SRSF3: variants seen among roughly 807,000 people sequenced by gnomAD.
SRSF3 encodes the protein serine and arginine rich splicing factor 3, also known as serine/arginine-rich splicing factor 3.
For synonymous variants in SRSF3, 87 were observed against 73.6 expected, an observed-to-expected ratio of 1.18 and a Z score of -0.93; for missense variants, 58 against 217.1, an observed-to-expected ratio of 0.27 and a Z score of 4.61.
chr6:36,598,814 A>G, intron 2 of SRSF3, 35 bp from the exon 3 acceptor site: 1 of 1,604,444 alleles, frequency 6.2e-7, no homozygotes, highest in East Asian at 2.2e-5. Flanking sequence ...TCAGAAAGTC[A>G]GGCTGTTTTA....
At chr6:36,596,736 A>T in intron 1 of SRSF3, 25 bp from the exon 2 acceptor site, 1 of 1,600,622 alleles carries the variant, frequency 6.2e-7, no homozygotes, top group African/African-American at 1.3e-5. Context: ...AGATGAATGA[A>T]TATTTTTGGT....
rs1433677654 is a variant in SRSF3, at chr6:36,603,934, C to T, written c.*1945C>T. ...TATAATATGGCTAAGAGAAATAATA[C>T]AGAACCTGAAATAAAAGTAACTTCA... On this transcript the variant is annotated 3_prime_UTR_variant, in exon 6 of 6. Coordinates refer to ENST00000373715, the MANE Select transcript of SRSF3 (RefSeq NM_003017.5). 8.8e-6 allele frequency: 2 copies of T among 227,776 alleles called. No individual in the cohort carries two copies. The highest frequency in any genetic ancestry group is 5.7e-5 in the Admixed American group (1 of 17,488). The allele number at this position is 227,776 out of a possible 1,614,324, so 14.1% of individuals were successfully genotyped here.
At chr6:36,596,571 T>TGGGGGGGGGGGGGG (rs1562011746) in intron 1 of SRSF3, among the ~76,000 whole-genome samples, 190 bp from the exon 2 acceptor site, 1 of 13,778 alleles carries the variant, frequency 7.3e-5, no homozygotes, top group African/African-American at 2.3e-4. Context: ...TGGGGCGGGG[T>TGGGGGGGGGGGGGG]GGCGGGGGGG....
At chr6:36,599,233 C>T (rs995895408) in intron 3 of SRSF3, among the ~76,000 whole-genome samples, 3 of 152,192 alleles carry the variant, frequency 2.0e-5, no homozygotes, top group African/African-American at 4.8e-5. Flanking sequence ...TTTCTAGTTG[C>T]ATCTTTCCAA....
intron 1 of SRSF3, among the ~76,000 whole-genome samples, chr6:36,595,845 C>T (rs1778618272): frequency 1.3e-5 from 2 of 152,164 alleles, no homozygotes; most frequent in African/African-American, 4.8e-5. Context: ...GCGTAAGACT[C>T]TGGTCTATCT....
At chr6:36,599,005 A>AAG in intron 3 of SRSF3, 22 bp downstream of exon 3, 11 of 1,613,598 alleles carry the variant, frequency 6.8e-6, no homozygotes, top group Non-Finnish European at 9.3e-6. Flanking sequence ...AAAGCTTGTT[A>AAG]AGAGGTATTG....
chr6:36,601,608 T>G, intron 4 of SRSF3, 100 bp from the exon 5 acceptor site: 2 of 1,170,518 alleles, frequency 1.7e-6, no homozygotes, highest in Non-Finnish European at 2.5e-6. Context: ...CCTCCCAAAA[T>G]ATTGGAATTA....
At position 36,594,428 on chromosome 6, in the gene SRSF3, G is replaced by A. The variant is rs1343325781; in HGVS notation, c.-56G>A. On this transcript the variant is annotated 5_prime_UTR_variant, in exon 1 of 6. Coordinates refer to ENST00000373715, the MANE Select transcript of SRSF3 (RefSeq NM_003017.5). The stretch of plus-strand genomic sequence containing the variant: ...GTGTTGGGCCGGAGGAAAGCGGGAA[G>A]ACTCATCGGAGCGTGTGGATTTGAG... The A allele has an allele frequency of 6.6e-6, 1 of 152,570 alleles. No individual in the cohort carries two copies. Among genetic ancestry groups the A allele is most frequent in the African/African-American group, 2.4e-5 (1 of 41,472 alleles). 9.5% of individuals were successfully genotyped at this position (152,570 alleles called of 1,614,324 possible). A position where few individuals can be genotyped will look rare whatever the true frequency, so the allele number is the denominator to read the frequency against.
In SRSF3 at chr6:36,604,943, A is replaced by C. The variant is rs1778786620; in HGVS notation, c.*2954A>C. 6.6e-6 allele frequency: 1 copy of C among 152,020 alleles called. No homozygotes were observed. Among genetic ancestry groups the C allele is most frequent in the Non-Finnish European group, 1.5e-5 (1 of 67,990 alleles). 9.4% of individuals were successfully genotyped at this position (152,020 alleles called of 1,614,324 possible). A position where few individuals can be genotyped will look rare whatever the true frequency, so the allele number is the denominator to read the frequency against. Reference sequence around the variant, plus strand: ...TAGTTGTCATACCTAGTTGGTGGTAATTTCTTAGTTGTATATTTTTGTACT... The same window carrying C: ...TAGTTGTCATACCTAGTTGGTGGTACTTTCTTAGTTGTATATTTTTGTACT... On this transcript the variant is annotated 3_prime_UTR_variant, in exon 6 of 6. Coordinates refer to ENST00000373715, the MANE Select transcript of SRSF3 (RefSeq NM_003017.5).
At chr6:36,601,249 A>G (rs1778711235) in intron 4 of SRSF3, 59 bp downstream of exon 4, 12 of 1,581,318 alleles carry the variant, frequency 7.6e-6, no homozygotes, top group South Asian at 3.3e-5. Context: ...TGCTATTCCT[A>G]AACTTTTCCA....
At position 36,597,229 on chromosome 6, in the gene SRSF3, C is replaced by G. The variant is rs571965418; in HGVS notation, c.206+261C>G. On this transcript the variant is annotated intron_variant, in intron 2 of 5. Transcript: ENST00000373715. ...CAAGTGATTCTCCTGCCTCAGCCTT[C>G]TGAGTAACTGGGACTACAGGCGTGT... is the stretch of plus-strand genomic sequence containing the variant. 5.4e-5 allele frequency: 27 copies of G among 501,058 alleles called. 1 individual carries two copies. The highest frequency in any genetic ancestry group is 5.1e-4 in the East Asian group (14 of 27,290). The allele number at this position is 501,058 out of a possible 1,614,324, so 31.0% of individuals were successfully genotyped here. A position where few individuals can be genotyped will look rare whatever the true frequency, so the allele number is the denominator to read the frequency against.
intron 4 of SRSF3, 152 bp from the exon 5 acceptor site, chr6:36,601,556 C>G: frequency 1.4e-6 from 1 of 703,582 alleles, no homozygotes; most frequent in Non-Finnish European, 2.4e-6. Flanking sequence ...GTTGTCCAAT[C>G]TGTTCTCAAA....
In SRSF3 at chr6:36,601,943, T is replaced by TG; in HGVS notation, c.468-19_468-18insG. On this transcript the variant is annotated intron_variant, in intron 5 of 5. Transcript: ENST00000373715. ...TACAGATGTAATGTTTTGTTTTCTTTTTTTTTTTTTTTTTTTAGTCGATCT... is the reference window on the plus strand; with the variant it reads ...TACAGATGTAATGTTTTGTTTTCTTTGTTTTTTTTTTTTTTTTAGTCGATCT... The TG allele has an allele frequency of 9.0e-7, 1 of 1,114,572 alleles. No individual in the cohort carries two copies. Among genetic ancestry groups the TG allele is most frequent in the Non-Finnish European group, 1.3e-6 (1 of 795,932 alleles). 69.0% of individuals were successfully genotyped at this position (1,114,572 alleles called of 1,614,324 possible).
At chr6:36,596,265 T>TA (rs1339189164) in intron 1 of SRSF3, among the ~76,000 whole-genome samples, 4 of 152,166 alleles carry the variant, frequency 2.6e-5, no homozygotes, top group Admixed American at 2.6e-4. Context: ...GCCTTATTTT[T>TA]ATTAAAGCTG....
chr6:36,603,777 C>T lies in SRSF3; in HGVS notation c.*1788C>T, dbSNP rs73408342. The T allele has an allele frequency of 0.024, 5,649 of 231,246 alleles. 80 individuals carry two copies. Among genetic ancestry groups the T allele is most frequent in the African/African-American group, 0.039 (1,778 of 45,316 alleles). The allele number at this position is 231,246 out of a possible 1,614,324, so 14.3% of individuals were successfully genotyped here. On this transcript the variant is annotated 3_prime_UTR_variant, in exon 6 of 6. Coordinates refer to ENST00000373715, the MANE Select transcript of SRSF3 (RefSeq NM_003017.5). ...ACAAGCCAAGATAGCTAAGAAGTTA[C>T]GGAAGCCATGCAATATGTCAATTAC...
At chr6:36,598,126 G>A (rs1778662430) in intron 2 of SRSF3, among the ~76,000 whole-genome samples, 1 of 152,114 alleles carries the variant, frequency 6.6e-6, no homozygotes, top group South Asian at 2.1e-4. Context: ...ATACAGCCTG[G>A]TAAATAACTG....
At position 36,601,026 on chromosome 6, in the gene SRSF3, T is replaced by G. The variant is rs1778706897; in HGVS notation, c.342-126T>G. On this transcript the variant is annotated intron_variant, in intron 3 of 5. Transcript: ENST00000373715. The stretch of plus-strand genomic sequence containing the variant: ...CTTTTTTTTTTTTTTTTTTTTTTTT[T>G]GGACGATGGGTGCCAGTTCTTCGGC... 4 of 315,694 alleles carry G rather than the reference T, an allele frequency of 1.3e-5. No individual in the cohort carries two copies. In the East Asian group the frequency reaches 1.5e-4, roughly 12 times the overall value. 19.6% of individuals were successfully genotyped at this position (315,694 alleles called of 1,614,324 possible). A position where few individuals can be genotyped will look rare whatever the true frequency, so the allele number is the denominator to read the frequency against.
chr6:36,596,647 T>A (rs1582509660), intron 1 of SRSF3, 114 bp from the exon 2 acceptor site: 1 of 931,984 alleles, frequency 1.1e-6, no homozygotes, highest in East Asian at 2.5e-5. Context: ...TTTTTTTTTC[T>A]TTACGTGCTA....
rs775227806 is a variant in SRSF3 at position 36,601,001 on chromosome 6, CTTTTTTTTTTTTTTTT to C, written c.342-141_342-126del. The C allele has an allele frequency of 9.5e-5, 8 of 84,020 alleles. 1 individual carries two copies. The East Asian group carries it at 1.8e-3, about 19-fold the overall frequency. 5.2% of individuals were successfully genotyped at this position (84,020 alleles called of 1,614,324 possible). A position where few individuals can be genotyped will look rare whatever the true frequency, so the allele number is the denominator to read the frequency against. On this transcript the variant is annotated intron_variant, in intron 3 of 5. Transcript: ENST00000373715. Reference sequence around the variant, plus strand: ...GCCTTTTTTTTCTTTTCTTTTTTTTCTTTTTTTTTTTTTTTTTTTTTTTTTGGACGATGGGTGCCAG... The same window carrying C: ...GCCTTTTTTTTCTTTTCTTTTTTTTCTTTTTTTTTGGACGATGGGTGCCAG...
Sources: gnomAD v4.1 joint callset for allele counts (sites outside exome capture counted in the v4.1 genomes callset) on GRCh38, gnomAD v4.1.1 for gene constraint, MANE v1.5 for transcripts, NCBI Gene and HGNC (gene_info 2026-07-23, HGNC 2026-07-21) for gene names.